Variants in GLRA2 observed in about 807,000 individuals in gnomAD.
GLRA2 encodes glycine receptor subunit alpha-2.
GLRA2 carries 11 observed loss-of-function variants against 31.6 expected under a neutral mutation model. The observed-to-expected ratio is 0.35, with a 90% CI of 0.22 to 0.58. The LOEUF (loss-of-function observed/expected upper bound fraction) is 0.58. Among genes scored for constraint, GLRA2 ranks in the 20% least tolerant of loss-of-function variants. GLRA2 has a pLI of 0.84. For missense variants in GLRA2, 212 were observed against 351.8 expected (o/e 0.60, Z 3.18); for synonymous variants, 132 against 134.0 (o/e 0.99, Z 0.10).
At chrX:14,724,631 A>T (rs1271249614) in intron 8 of GLRA2, among the ~76,000 whole-genome samples, 1 of 32,974 alleles carries the variant, frequency 3.0e-5, no homozygotes, top group African/African-American at 1.1e-4. Flanking sequence ...TGTCTCAAAA[A>T]AAAAAAAAAA....
At chrX:14,587,840 G>A (rs1451886074) in intron 4 of GLRA2, among the ~76,000 whole-genome samples, 1 of 110,462 alleles carries the variant, frequency 9.1e-6, no homozygotes, top group African/African-American at 3.3e-5. Context: ...TGCTTTTGGG[G>A]ACTTGTCTAA....
rs1601761563 is a variant in GLRA2, at chrX:14,609,291, G to A, written c.930+86G>A. On this transcript the variant is annotated intron_variant, in intron 7 of 8. Coordinates refer to ENST00000218075, the MANE Select transcript of GLRA2 (RefSeq NM_002063.4). The stretch of plus-strand genomic sequence containing the variant: ...AGAGTTCTGTGAGGACAGAAATGTT[G>A]GCCACCCTATGACACTGTCATAGAT... 8.8e-6 allele frequency: 5 copies of A among 565,066 alleles called. No individual in the cohort carries two copies. The East Asian group carries it at 1.7e-4, about 19-fold the overall frequency. The allele number at this position is 565,066 out of a possible 1,213,427, so 46.6% of individuals were successfully genotyped here. A position where few individuals can be genotyped will look rare whatever the true frequency, so the allele number is the denominator to read the frequency against.
Position 14,530,048 on chromosome X carries a change from A to G in GLRA2, c.-10A>G. The G allele has an allele frequency of 8.5e-7, 1 of 1,181,625 alleles. No homozygotes were observed. Among genetic ancestry groups the G allele is most frequent in the Non-Finnish European group, 1.2e-6 (1 of 867,731 alleles). Reference sequence around the variant, plus strand: ...TCGGGATATTTTCCACAAGCAACACAGAAACAGGAATGAACCGGCAGCTAG... The same window carrying G: ...TCGGGATATTTTCCACAAGCAACACGGAAACAGGAATGAACCGGCAGCTAG... On this transcript the variant is annotated 5_prime_UTR_variant, in exon 1 of 9. Coordinates refer to ENST00000218075, the MANE Select transcript of GLRA2 (RefSeq NM_002063.4).
chrX:14,478,108 T>C, the GLRA2 span, among the ~76,000 whole-genome samples: 1 of 110,752 alleles, frequency 9.0e-6, no homozygotes, highest in Non-Finnish European at 1.9e-5. Context: ...TACAGAAACT[T>C]AGATACAAAG....
the GLRA2 span, among the ~76,000 whole-genome samples, chrX:14,503,380 A>T: frequency 9.0e-6 from 1 of 110,924 alleles, no homozygotes; most frequent in African/African-American, 3.3e-5. Context: ...CTCTGCTGTC[A>T]CTCCACTTTC....
At chrX:14,462,945 C>T in the GLRA2 span, among the ~76,000 whole-genome samples, 2 of 111,883 alleles carry the variant, frequency 1.8e-5, no homozygotes, top group African/African-American at 6.5e-5. Context: ...TTGGAATTTT[C>T]AGCCATTCTG....
chrX:14,723,095 A>C (rs2091885311), intron 8 of GLRA2, among the ~76,000 whole-genome samples: 1 of 112,300 alleles, frequency 8.9e-6, no homozygotes, highest in African/African-American at 3.2e-5. Flanking sequence ...AACCAAGTGT[A>C]TGCCTCCAGC....
At chrX:14,662,249 AACAC>A (rs746131304) in intron 7 of GLRA2, among the ~76,000 whole-genome samples, 266 of 109,662 alleles carry the variant, frequency 2.4e-3, no homozygotes, top group Non-Finnish European at 4.2e-3. Flanking sequence ...AGCAGAATAA[AACAC>A]ACACACACAC....
chrX:14,449,054 C>T, the GLRA2 span, among the ~76,000 whole-genome samples: 1 of 112,500 alleles, frequency 8.9e-6, no homozygotes, highest in East Asian at 2.8e-4. Flanking sequence ...TCCCTTCAGA[C>T]CTCTGCGTGA....
At chrX:14,505,285 G>C in the GLRA2 span, among the ~76,000 whole-genome samples, 1 of 112,098 alleles carries the variant, frequency 8.9e-6, no homozygotes, top group Non-Finnish European at 1.9e-5. Context: ...ATACAGAGCT[G>C]TTAGTAAGAA....
intron 8 of GLRA2, among the ~76,000 whole-genome samples, chrX:14,716,774 G>A (rs1310756651): frequency 9.0e-6 from 1 of 110,941 alleles, no homozygotes; most frequent in Non-Finnish European, 1.9e-5. Flanking sequence ...TAATATGAAT[G>A]GGAAGCAATA....
chrX:14,466,717 G>A, the GLRA2 span, among the ~76,000 whole-genome samples: 2 of 112,085 alleles, frequency 1.8e-5, no homozygotes, highest in South Asian at 3.7e-4. Context: ...TTAGTACAGA[G>A]TCACACATAT....
chrX:14,696,922 TGGG>T (rs2091456101), intron 8 of GLRA2, among the ~76,000 whole-genome samples: 1 of 111,838 alleles, frequency 8.9e-6, no homozygotes, highest in Non-Finnish European at 1.9e-5. Flanking sequence ...AGTTAAGTCT[TGGG>T]GGGAGTTGAA....
At chrX:14,598,552 G>A (rs1443114063) in intron 4 of GLRA2, among the ~76,000 whole-genome samples, 3 of 112,339 alleles carry the variant, frequency 2.7e-5, no homozygotes, top group Non-Finnish European at 5.6e-5. Flanking sequence ...AGGCTTCCTG[G>A]CATTCCTTTA....
chrX:14,509,902 A>T, the GLRA2 span, among the ~76,000 whole-genome samples: 1 of 111,889 alleles, frequency 8.9e-6, no homozygotes, highest in Non-Finnish European at 1.9e-5. Flanking sequence ...AGGTGATTCC[A>T]TTTAGAAGAG....
intron 4 of GLRA2, among the ~76,000 whole-genome samples, chrX:14,601,419 A>G (rs2147088495): frequency 8.9e-6 from 1 of 111,977 alleles, no homozygotes; most frequent in East Asian, 2.8e-4. Context: ...TTTACCTTTC[A>G]GTTATTGTTT....
At chrX:14,495,779 G>C in the GLRA2 span, among the ~76,000 whole-genome samples, 1 of 109,955 alleles carries the variant, frequency 9.1e-6, no homozygotes, top group Non-Finnish European at 1.9e-5. Context: ...AAGGTTGAGA[G>C]AAATTAAGTA....
At chrX:14,488,549 G>C in the GLRA2 span, among the ~76,000 whole-genome samples, 3 of 112,364 alleles carry the variant, frequency 2.7e-5, no homozygotes, top group African/African-American at 9.7e-5. Flanking sequence ...AAGACATTTA[G>C]GATATGCCTA....
chrX:14,528,237 G>A (rs111683004), upstream of GLRA2, among the ~76,000 whole-genome samples: 275 of 112,029 alleles, frequency 2.5e-3, no homozygotes, highest in African/African-American at 8.5e-3. Context: ...AGATCCTCTG[G>A]TGATTTATAT....
Sources: gnomAD v4.1 joint callset for allele counts (sites outside exome capture counted in the v4.1 genomes callset) on GRCh38, gnomAD v4.1.1 for gene constraint, MANE v1.5 for transcripts, NCBI Gene and HGNC (gene_info 2026-07-23, HGNC 2026-07-21) for gene names.